ASIC3: variants seen among roughly 807,000 people sequenced by gnomAD.
The protein encoded by ASIC3 is acid-sensing ion channel 3.
In ASIC3, 46 loss-of-function variants were observed where a neutral mutation model predicts 58.6. That is an observed-to-expected ratio of 0.79 (90% CI 0.62 to 1.00). The LOEUF (loss-of-function observed/expected upper bound fraction) is 1.00, where lower values mean the gene tolerates loss of function less well. Ranked by LOEUF, ASIC3 falls within the 50% of genes least tolerant of loss-of-function variation. ASIC3 has a pLI of 0.00. For synonymous variants in ASIC3, 336 were observed against 300.2 expected, an observed-to-expected ratio of 1.12 and a Z score of -1.23; for missense variants, 770 against 735.0, an observed-to-expected ratio of 1.05 and a Z score of -0.55.
rs368295863 is a variant in ASIC3, at chr7:151,052,711, C to A, written c.*59C>A. The A allele has an allele frequency of 1.2e-6, 2 of 1,614,080 alleles. No homozygotes were observed. The highest frequency in any genetic ancestry group is 2.2e-5 in the East Asian group (1 of 44,882). On this transcript the variant is annotated 3_prime_UTR_variant, in exon 11 of 11. Transcript: ENST00000349064. This position sits in a 1 kb window ranked among gnomAD's most constrained non-coding sequence, Gnocchi z 5.0. ...ACATCCTGGACATGCCTAGCCTGCA[C>A]GTAGCTTTTCCGTCTTCACCCCAAA...
rs758417400 is a variant in ASIC3, at chr7:151,051,259, C to T, written c.1154C>T (p.Pro385Leu). ...YAKELSMVRI[P>L]SRAAARFLAR... ...AAGGAGCTCTCCATGGTGCGGATCCCGAGCCGCGCCGCCGCGCGCTTCCTG... is the reference window on the plus strand; with the variant it reads ...AAGGAGCTCTCCATGGTGCGGATCCTGAGCCGCGCCGCCGCGCGCTTCCTG... The change falls in exon 6 of 11, where the codon CCG (proline) becomes CTG (leucine). Residue 385 changes from proline (P) to leucine (L), a missense_variant. Coordinates refer to ENST00000349064, the MANE Select transcript of ASIC3 (RefSeq NM_004769.4). 1.4e-5 allele frequency: 21 copies of T among 1,536,004 alleles called. No individual in the cohort carries two copies. The highest frequency in any genetic ancestry group is 1.7e-5 in the Non-Finnish European group (20 of 1,149,746).
At position 151,051,285 on chromosome 7, in the gene ASIC3, G is replaced by A; in HGVS notation, c.1180G>A (p.Ala394Thr). Residue 394 changes from alanine to threonine, a missense_variant, in exon 6 of 11, where the codon GCC becomes ACC. Ala to Thr is a moderately conservative substitution (Grantham distance 58). Coordinates refer to ENST00000349064, the MANE Select transcript of ASIC3 (RefSeq NM_004769.4). ...GAGCCGCGCCGCCGCGCGCTTCCTGGCCCGGAAGCTCAACCGCAGCGAGGC... is the reference window on the plus strand; with the variant it reads ...GAGCCGCGCCGCCGCGCGCTTCCTGACCCGGAAGCTCAACCGCAGCGAGGC... ...IPSRAAARFLARKLNRSEAYI... is the reference protein window; with the variant it reads ...IPSRAAARFLTRKLNRSEAYI... 1.3e-6 allele frequency: 2 copies of A among 1,525,062 alleles called. No individual in the cohort carries two copies. Among genetic ancestry groups the A allele is most frequent in the Non-Finnish European group, 1.7e-6 (2 of 1,144,306 alleles). The allele number at this position is 1,525,062 out of a possible 1,614,324, so 94.5% of individuals were successfully genotyped here. A position where few individuals can be genotyped will look rare whatever the true frequency, so the allele number is the denominator to read the frequency against.
At chr7:151,050,340 A>G in intron 2 of ASIC3, 84 bp downstream of exon 2, 1 of 1,569,828 alleles carries the variant, frequency 6.4e-7, no homozygotes, top group Non-Finnish European at 8.7e-7. Flanking sequence ...AGGAGGTGTC[A>G]GGGTGTTCCC....
At chr7:151,048,482 C>G (rs959276208), upstream of ASIC3, 1 of 207,526 alleles carries the variant, frequency 4.8e-6, no homozygotes, top group Non-Finnish European at 9.7e-6. Context: ...CTCCTACCCC[C>G]CAGACTGCTC....
Position 151,049,259 on chromosome 7 carries a change from T to C in ASIC3, c.374T>C (p.Phe125Ser), listed in dbSNP as rs1002894418. ...CTGGATCCCGCAGAGCACGCCGCCT[T>C]CCTGCGCGCCCTGGGCCGGCCCCCT... ...LGLDPAEHAAFLRALGRPPAP... is the reference protein window; with the variant it reads ...LGLDPAEHAASLRALGRPPAP... Residue 125 changes from phenylalanine (F) to serine (S), a missense_variant, in exon 1 of 11, where the codon TTC (phenylalanine) becomes TCC (serine). Phe to Ser is a radical substitution (Grantham distance 155). Coordinates refer to ENST00000349064, the MANE Select transcript of ASIC3 (RefSeq NM_004769.4). The C allele has an allele frequency of 1.2e-6, 2 of 1,612,208 alleles. No homozygotes were observed. The highest frequency in any genetic ancestry group is 1.7e-6 in the Non-Finnish European group (2 of 1,179,548).
intron 1 of ASIC3, among the ~76,000 whole-genome samples, chr7:151,049,747 C>T (rs1796722229): frequency 6.6e-6 from 1 of 152,206 alleles, no homozygotes; most frequent in Admixed American, 6.5e-5. Context: ...GCAGAAGACC[C>T]CTATCTCTGC....
Position 151,050,774 on chromosome 7 carries a change from C to G in ASIC3, c.830C>G (p.Pro277Arg), listed in dbSNP as rs746657424. 1.2e-6 allele frequency: 2 copies of G among 1,613,400 alleles called. No individual in the cohort carries two copies. The highest frequency in any genetic ancestry group is 3.3e-5 in the Admixed American group (2 of 59,886). Reference sequence around the variant, plus strand: ...CCCCCACAGCTGAGCTTCCTGCCACCGCCCTGGGGCGATTGCAGTTCAGCA... The same window carrying G: ...CCCCCACAGCTGAGCTTCCTGCCACGGCCCTGGGGCGATTGCAGTTCAGCA... ...CQQQQLSFLPPPWGDCSSASL... is the reference protein window; with the variant it reads ...CQQQQLSFLPRPWGDCSSASL... The change falls in exon 4 of 11, where the codon CCG becomes CGG. Residue 277 changes from proline (P) to arginine (R), a missense_variant. Coordinates refer to ENST00000349064, the MANE Select transcript of ASIC3 (RefSeq NM_004769.4).
chr7:151,049,276 C>A lies in ASIC3; in HGVS notation c.391C>A (p.Arg131=), dbSNP rs759793510. 3.7e-6 allele frequency: 6 copies of A among 1,612,346 alleles called. No individual in the cohort carries two copies. The highest frequency in any genetic ancestry group is 2.7e-5 in the African/African-American group (2 of 74,922). Residue 131 remains arginine, a synonymous_variant, in exon 1 of 11, where the codon CGG becomes AGG. Transcript: ENST00000349064. The part of the protein sequence containing the change: ...EHAAFLRALG[R]PPAPPGFMPS... ...CGCCGCCTTCCTGCGCGCCCTGGGC[C>A]GGCCCCCTGCACCGCCCGGCTTCAT...
At position 151,052,654 on chromosome 7, in the gene ASIC3, C is replaced by T; in HGVS notation, c.*2C>T. On this transcript the variant is annotated 3_prime_UTR_variant, in exon 11 of 11. Coordinates refer to ENST00000349064, the MANE Select transcript of ASIC3 (RefSeq NM_004769.4). The surrounding 1 kb of genome is among the most constrained non-coding windows in gnomAD (Gnocchi z 5.0). ...TGCTACCTTGTCACACAGCTCTAGA[C>T]CTGCTGTCTGTGTCCTCGGAGCCCC... 3 of 1,614,124 alleles carry T rather than the reference C, an allele frequency of 1.9e-6. No homozygotes were observed. Among genetic ancestry groups the T allele is most frequent in the Non-Finnish European group, 1.7e-6 (2 of 1,180,006 alleles).
intron 1 of ASIC3, 63 bp from the exon 2 acceptor site, chr7:151,050,043 A>G (rs1796729988): frequency 5.6e-6 from 9 of 1,606,338 alleles, no homozygotes; most frequent in Non-Finnish European, 6.0e-6. Context: ...TGAGGTGGGG[A>G]GAGGTCCCAT....
chr7:151,051,216 G>T lies in ASIC3; in HGVS notation c.1111G>T (p.Ala371Ser), dbSNP rs762660247. The T allele has an allele frequency of 7.0e-6, 11 of 1,580,082 alleles. No homozygotes were observed. The highest frequency in any genetic ancestry group is 5.7e-5 in the South Asian group (5 of 88,244). Reference protein sequence around the residue: ...KDSCACPNPCASTRYAKELSM... With the variant: ...KDSCACPNPCSSTRYAKELSM... ...CTCGTGCGCCTGCCCCAACCCGTGC[G>T]CCAGCACGCGCTACGCCAAGGAGCT... is the stretch of plus-strand genomic sequence containing the variant. Residue 371 changes from alanine (A) to serine (S), a missense_variant, in exon 6 of 11, where the codon GCC becomes TCC. Ala to Ser is a moderately conservative substitution (Grantham distance 99, BLOSUM62 1). Coordinates refer to ENST00000349064, the MANE Select transcript of ASIC3 (RefSeq NM_004769.4).
chr7:151,050,958 G>C lies in ASIC3; in HGVS notation c.1009+5G>C. 6.2e-7 allele frequency: 1 copy of C among 1,613,418 alleles called. No individual in the cohort carries two copies. Among genetic ancestry groups the C allele is most frequent in the Non-Finnish European group, 8.5e-7 (1 of 1,180,010 alleles). Reference sequence around the variant, plus strand: ...GCCGAATGGTGTACATGCCAGGTGAGGGGCTGGGGTTTTCGTCCCATGGCG... The same window carrying C: ...GCCGAATGGTGTACATGCCAGGTGACGGGCTGGGGTTTTCGTCCCATGGCG... On this transcript the variant is annotated splice_donor_5th_base_variant and intron_variant, in intron 4 of 10. Transcript: ENST00000349064.
At position 151,049,099 on chromosome 7, in the gene ASIC3, C is replaced by T; in HGVS notation, c.214C>T (p.His72Tyr). 6.2e-7 allele frequency: 1 copy of T among 1,613,892 alleles called. No homozygotes were observed. Among genetic ancestry groups the T allele is most frequent in the Non-Finnish European group, 8.5e-7 (1 of 1,179,922 alleles). Residue 72 changes from histidine to tyrosine, a missense_variant, in exon 1 of 11, where the codon CAC becomes TAC. Transcript: ENST00000349064. ...ERVRYYREFH[H>Y]QTALDERESH... ...GGTGCGCTACTACAGGGAGTTCCAC[C>T]ACCAGACTGCCCTGGATGAGCGAGA...
intron 3 of ASIC3, 73 bp from the exon 4 acceptor site, chr7:151,050,685 C>T (rs1466666904): frequency 1.2e-6 from 2 of 1,607,370 alleles, no homozygotes; most frequent in Non-Finnish European, 8.5e-7. Context: ...GCTCCTCAGA[C>T]CTGTCTAGGG....
In ASIC3 at chr7:151,051,206, C is replaced by A. The variant is rs956789598; in HGVS notation, c.1101C>A (p.Pro367=). 1 of 1,586,398 alleles carries A rather than the reference C, an allele frequency of 6.3e-7. No homozygotes were observed. The highest frequency in any genetic ancestry group is 8.5e-7 in the Non-Finnish European group (1 of 1,172,626). Residue 367 remains proline (P), a synonymous_variant, in exon 6 of 11, where the codon CCC becomes CCA. Transcript: ENST00000349064. The part of the protein sequence containing the change: ...AMLRKDSCAC[P]NPCASTRYAK... ...TTCGCAAGGACTCGTGCGCCTGCCC[C>A]AACCCGTGCGCCAGCACGCGCTACG...
intron 5 of ASIC3, 26 bp from the exon 6 acceptor site, chr7:151,051,146 G>A (rs747527437): frequency 6.3e-7 from 1 of 1,597,970 alleles, no homozygotes; most frequent in Non-Finnish European, 8.5e-7. Flanking sequence ...GCCCGCGGGC[G>A]TCTGACGCGG....
chr7:151,051,241 T>G lies in ASIC3; in HGVS notation c.1136T>G (p.Leu379Arg). 4.5e-6 allele frequency: 7 copies of G among 1,565,506 alleles called. No homozygotes were observed. The highest frequency in any genetic ancestry group is 6.0e-6 in the Non-Finnish European group (7 of 1,163,444). Residue 379 changes from leucine (L) to arginine (R), a missense_variant, in exon 6 of 11, where the codon CTC becomes CGC. Transcript: ENST00000349064. ...PCASTRYAKE[L>R]SMVRIPSRAA... ...GCCAGCACGCGCTACGCCAAGGAGC[T>G]CTCCATGGTGCGGATCCCGAGCCGC...
Position 151,050,598 on chromosome 7 carries a change from A to G in ASIC3, c.803A>G (p.Gln268Arg), listed in dbSNP as rs776642831. Residue 268 changes from glutamine to arginine, a missense_variant, in exon 3 of 11, where the codon CAG becomes CGG. By Grantham distance (43) the Gln-to-Arg change is conservative (BLOSUM62 1). Coordinates refer to ENST00000349064, the MANE Select transcript of ASIC3 (RefSeq NM_004769.4). ...GGCTACCAGACCTTTGTTTCTTGCC[A>G]GCAGCAGCAGGTACCCTTCCGTGTG... Reference protein sequence around the residue: ...SPGYQTFVSCQQQQLSFLPPP... With the variant: ...SPGYQTFVSCRQQQLSFLPPP... 3.0e-5 allele frequency: 49 copies of G among 1,612,986 alleles called. No homozygotes were observed. Among genetic ancestry groups the G allele is most frequent in the Non-Finnish European group, 4.2e-5 (49 of 1,179,148 alleles).
rs374603867 is a variant in ASIC3 at position 151,051,868 on chromosome 7, CAGA to C, written c.1279_1281del (p.Lys427del). 4.3e-4 allele frequency: 697 copies of C among 1,613,834 alleles called. 2 individuals carry two copies. The African/African-American group carries it at 6.8e-3, about 16-fold the overall frequency. On this transcript the variant is annotated inframe_deletion, in exon 7 of 11. Coordinates refer to ENST00000349064, the MANE Select transcript of ASIC3 (RefSeq NM_004769.4). Reference sequence around the variant, plus strand: ...GGCCCTCAACTATGAGACCGTGGAGCAGAAGAAGGCCTATGAGATGTCAGAGCT... The same window carrying C: ...GGCCCTCAACTATGAGACCGTGGAGCAGAAGGCCTATGAGATGTCAGAGCT...
Sources: allele counts gnomAD v4.1 joint callset (sites outside exome capture counted in the v4.1 genomes callset), GRCh38; gene constraint gnomAD v4.1.1; non-coding constraint Gnocchi (gnomAD v3.1); transcripts MANE v1.5; gene names NCBI Gene and HGNC (gene_info 2026-07-23, HGNC 2026-07-21).